NEGR1: variants seen among roughly 807,000 people sequenced by gnomAD.
The protein encoded by NEGR1 is neuronal growth regulator 1, also known as IgLON family member 4.
A neutral mutation model predicts 40.9 loss-of-function variants in NEGR1; 10 were observed. That is an observed-to-expected ratio of 0.24 (90% CI 0.15 to 0.42). NEGR1 has a LOEUF of 0.42. Among genes scored for constraint, NEGR1 ranks in the 10% least tolerant of loss-of-function variants. The pLI, the probability that NEGR1 is intolerant of heterozygous loss-of-function variation, is 1.00. For synonymous variants in NEGR1, 185 were observed against 166.8 expected (o/e 1.11, Z -0.84); for missense variants, 352 against 438.9 (o/e 0.80, Z 1.77).
At chr1:72,041,096 A>T (rs1183915465) in intron 1 of NEGR1, among the ~76,000 whole-genome samples, 1 of 152,060 alleles carries the variant, frequency 6.6e-6, no homozygotes, top group East Asian at 1.9e-4. Context: ...AGTACCACTA[A>T]TTCAATCTAA....
chr1:71,837,088 C>A (rs1659063085), intron 2 of NEGR1: 1 of 152,142 alleles, frequency 6.6e-6, no homozygotes, highest in African/African-American at 2.4e-5. Flanking sequence ...ACCTCTTCCT[C>A]TCACTTTGCA....
intron 2 of NEGR1, among the ~76,000 whole-genome samples, chr1:71,811,907 A>C (rs1282180429): frequency 7.0e-6 from 1 of 142,782 alleles, no homozygotes; most frequent in Admixed American, 7.0e-5. Context: ...ATTTTATTTT[A>C]TTTTCTTATA....
At chr1:72,197,528 G>C (rs1167848787) in intron 1 of NEGR1, among the ~76,000 whole-genome samples, 1 of 151,976 alleles carries the variant, frequency 6.6e-6, no homozygotes, top group African/African-American at 2.4e-5. Context: ...TTAAAAATGA[G>C]TTTTTAAAAG....
At chr1:72,260,621 ACT>A (rs1427836424) in intron 1 of NEGR1, among the ~76,000 whole-genome samples, 1 of 151,590 alleles carries the variant, frequency 6.6e-6, no homozygotes, top group African/African-American at 2.4e-5. Flanking sequence ...TTCCACTATT[ACT>A]CTGTCAGATA....
At chr1:71,717,505 C>A (rs1418320959) in intron 3 of NEGR1, among the ~76,000 whole-genome samples, 2 of 152,174 alleles carry the variant, frequency 1.3e-5, no homozygotes, top group African/African-American at 2.4e-5. Context: ...TGTGCCATAT[C>A]TTTCCTGATT....
At chr1:71,447,389 C>T (rs1646590146) in intron 6 of NEGR1, among the ~76,000 whole-genome samples, 1 of 152,178 alleles carries the variant, frequency 6.6e-6, no homozygotes, top group Non-Finnish European at 1.5e-5. Context: ...AAATCATTTT[C>T]CAGATCAAAA....
chr1:71,472,288 T>C (rs1293221688), intron 6 of NEGR1, among the ~76,000 whole-genome samples: 1 of 152,138 alleles, frequency 6.6e-6, no homozygotes, highest in East Asian at 1.9e-4. Flanking sequence ...TGACTGGCTA[T>C]CATTTTTTCC....
At chr1:72,178,960 A>G (rs1385546851) in intron 1 of NEGR1, among the ~76,000 whole-genome samples, 3 of 151,804 alleles carry the variant, frequency 2.0e-5, no homozygotes, top group Admixed American at 1.3e-4. Flanking sequence ...CATTTGTCAG[A>G]TGCATAGTTT....
intron 6 of NEGR1, among the ~76,000 whole-genome samples, chr1:71,591,520 A>T (rs562038356): frequency 2.6e-5 from 4 of 152,158 alleles, no homozygotes; most frequent in Non-Finnish European, 5.9e-5. Context: ...ACCATTTAAA[A>T]TATTAATAAT....
At chr1:71,457,085 C>T (rs1047834405) in intron 6 of NEGR1, among the ~76,000 whole-genome samples, 1 of 152,072 alleles carries the variant, frequency 6.6e-6, no homozygotes, top group African/African-American at 2.4e-5. Flanking sequence ...TCCTTTTTCT[C>T]TCTTCATCAA....
chr1:71,794,152 T>C (rs1018938674), intron 2 of NEGR1: 3 of 152,190 alleles, frequency 2.0e-5, no homozygotes, highest in Non-Finnish European at 4.4e-5. Flanking sequence ...ATACATGCTA[T>C]TGGAATTGAT....
chr1:72,264,005 G>A (rs986949122), intron 1 of NEGR1, among the ~76,000 whole-genome samples: 5 of 151,246 alleles, frequency 3.3e-5, no homozygotes, highest in Admixed American at 6.6e-5. Flanking sequence ...AAGGGGAAAC[G>A]GTGTTCTCTG....
chr1:71,592,200 C>T (rs766691777), intron 6 of NEGR1, among the ~76,000 whole-genome samples: 4 of 152,014 alleles, frequency 2.6e-5, no homozygotes, highest in Admixed American at 6.6e-5. Flanking sequence ...GCCTTTTACC[C>T]GATCCTTGTG....
chr1:72,146,477 A>G (rs986607570), intron 1 of NEGR1, among the ~76,000 whole-genome samples: 2 of 152,128 alleles, frequency 1.3e-5, no homozygotes, highest in African/African-American at 2.4e-5. Context: ...GGTGATGCCA[A>G]CCAACCACAG....
At chr1:72,197,323 A>G (rs745365263) in intron 1 of NEGR1, among the ~76,000 whole-genome samples, 1 of 152,074 alleles carries the variant, frequency 6.6e-6, no homozygotes, top group Non-Finnish European at 1.5e-5. Flanking sequence ...TAATTTTGCA[A>G]AGCAGAATGG....
chr1:71,519,781 A>C (rs1167097155), intron 6 of NEGR1, among the ~76,000 whole-genome samples: 1 of 151,868 alleles, frequency 6.6e-6, no homozygotes, highest in Non-Finnish European at 1.5e-5. Flanking sequence ...CAGCAAGTGA[A>C]TCACAAAGTC....
chr1:72,154,008 T>TA (rs951789730), intron 1 of NEGR1, among the ~76,000 whole-genome samples: 1 of 151,714 alleles, frequency 6.6e-6, no homozygotes, highest in Non-Finnish European at 1.5e-5. Flanking sequence ...TGTCATCTTA[T>TA]AAAAAAATTG....
chr1:71,997,090 G>C (rs777169740), intron 1 of NEGR1, among the ~76,000 whole-genome samples: 1 of 151,894 alleles, frequency 6.6e-6, no homozygotes, highest in Non-Finnish European at 1.5e-5. Context: ...TAAATATCAA[G>C]GCTTTGTTTC....
chr1:71,777,194 T>C (rs1319624925), intron 2 of NEGR1, among the ~76,000 whole-genome samples: 4 of 152,160 alleles, frequency 2.6e-5, no homozygotes, highest in Admixed American at 6.5e-5. Flanking sequence ...TAAATCTCTA[T>C]TGGCTAACTG....
Sources: gnomAD v4.1 joint callset for allele counts (sites outside exome capture counted in the v4.1 genomes callset) on GRCh38, gnomAD v4.1.1 for gene constraint, MANE v1.5 for transcripts, NCBI Gene and HGNC (gene_info 2026-07-23, HGNC 2026-07-21) for gene names.